Variants in NKAIN3 observed in about 807,000 individuals in gnomAD.
The protein encoded by NKAIN3 is sodium/potassium transporting ATPase interacting 3.
Under a neutral mutation model 30.2 loss-of-function variants are expected in NKAIN3, and 25 were observed. That is an observed-to-expected ratio of 0.83 (90% CI 0.60 to 1.16). NKAIN3 has a LOEUF of 1.16. NKAIN3 is among the 50% of genes most tolerant of loss of function. NKAIN3 has a pLI of 0.00. For synonymous variants in NKAIN3, 91 were observed against 89.6 expected (o/e 1.02, Z -0.09); for missense variants, 225 against 254.1 (o/e 0.89, Z 0.78).
At chr8:62,986,290 G>A (rs1824196692), downstream of NKAIN3, among the ~76,000 whole-genome samples, 1 of 152,200 alleles carries the variant, frequency 6.6e-6, no homozygotes, top group Admixed American at 6.5e-5. Context: ...AGGAGATTGA[G>A]GCCCTTTGTT....
chr8:62,688,295 C>A (rs2130435252), intron 3 of NKAIN3, among the ~76,000 whole-genome samples: 1 of 152,272 alleles, frequency 6.6e-6, no homozygotes. Flanking sequence ...TTCAGATAGT[C>A]TCTAGAAGCT....
At chr8:62,659,771 A>T (rs536827125) in intron 3 of NKAIN3, among the ~76,000 whole-genome samples, 2 of 152,258 alleles carry the variant, frequency 1.3e-5, no homozygotes, top group South Asian at 4.1e-4. Context: ...GGAGGGACCT[A>T]GTGGGAGGTA....
chr8:62,428,430 C>T (rs1338019890), intron 1 of NKAIN3, among the ~76,000 whole-genome samples: 5 of 151,852 alleles, frequency 3.3e-5, no homozygotes, highest in Non-Finnish European at 7.4e-5. Flanking sequence ...TGAGTTTTCA[C>T]AGTGACTGAC....
chr8:62,589,561 G>A (rs1360312954), intron 2 of NKAIN3, among the ~76,000 whole-genome samples, 153 bp from the exon 3 acceptor site: 2 of 151,572 alleles, frequency 1.3e-5, no homozygotes, highest in African/African-American at 4.8e-5. Flanking sequence ...GGAAAGCTTA[G>A]GGGACCACAT....
chr8:62,594,792 C>T (rs139515813), intron 3 of NKAIN3, among the ~76,000 whole-genome samples: 50 of 151,880 alleles, frequency 3.3e-4, no homozygotes, highest in African/African-American at 1.1e-3. Flanking sequence ...TTCCTTCCTT[C>T]CTTCCTCCCT....
intron 3 of NKAIN3, among the ~76,000 whole-genome samples, chr8:62,718,169 C>T (rs1814968907): frequency 6.6e-6 from 1 of 152,190 alleles, no homozygotes; most frequent in Non-Finnish European, 1.5e-5. Flanking sequence ...TTACCTCCCA[C>T]TGGGTCCCTC....
At chr8:62,452,938 G>A (rs866145238) in intron 1 of NKAIN3, among the ~76,000 whole-genome samples, 2 of 152,002 alleles carry the variant, frequency 1.3e-5, no homozygotes, top group South Asian at 2.1e-4. Flanking sequence ...TACATCACTC[G>A]GCATAATGGA....
chr8:62,958,385 C>T lies in NKAIN3; in HGVS notation c.603+4413C>T, dbSNP rs113538763. 1.8e-3 allele frequency among the ~76,000 whole-genome samples: 279 copies of T among 152,170 alleles called. 2 individuals are homozygous for T. Among genetic ancestry groups the T allele is most frequent in the African/African-American group, 6.3e-3 (261 of 41,492 alleles). On this transcript the variant is annotated intron_variant, in intron 6 of 6. Transcript: ENST00000623646. ...CGTGTTGGGTTTCAATATCTTACCA[C>T]AACTGCTATCGAGGGAGGTATAAGT... is the stretch of plus-strand genomic sequence containing the variant.
At chr8:62,590,470 G>A (rs1810618395) in intron 3 of NKAIN3, among the ~76,000 whole-genome samples, 1 of 151,770 alleles carries the variant, frequency 6.6e-6, no homozygotes, top group Non-Finnish European at 1.5e-5. Context: ...TAAGTTTCTA[G>A]TTGTGTTTCT....
At chr8:62,302,417 T>C (rs1814080407) in intron 1 of NKAIN3, among the ~76,000 whole-genome samples, 1 of 152,024 alleles carries the variant, frequency 6.6e-6, no homozygotes, top group Non-Finnish European at 1.5e-5. Flanking sequence ...TAGAGAAAAA[T>C]AGTTAAAGTT....
chr8:62,401,833 G>A (rs757264967), intron 1 of NKAIN3, among the ~76,000 whole-genome samples: 1 of 152,170 alleles, frequency 6.6e-6, no homozygotes, highest in Non-Finnish European at 1.5e-5. Flanking sequence ...GAAAGGCGGT[G>A]ACACCATCAT....
At chr8:62,539,740 C>T (rs935761462) in intron 1 of NKAIN3, among the ~76,000 whole-genome samples, 2 of 152,138 alleles carry the variant, frequency 1.3e-5, no homozygotes, top group Admixed American at 6.5e-5. Context: ...CAGGTGTGCA[C>T]AACCACACCT....
At chr8:62,407,972 G>T (rs939316798) in intron 1 of NKAIN3, among the ~76,000 whole-genome samples, 1 of 152,182 alleles carries the variant, frequency 6.6e-6, no homozygotes, top group African/African-American at 2.4e-5. Context: ...GCTGCAATGA[G>T]TTATGCTCGC....
intron 1 of NKAIN3, among the ~76,000 whole-genome samples, chr8:62,296,770 C>T (rs1813843980): frequency 6.6e-6 from 1 of 152,166 alleles, no homozygotes; most frequent in Non-Finnish European, 1.5e-5. Flanking sequence ...CTAGCCCAGA[C>T]TTTCTGCTGT....
intron 5 of NKAIN3, among the ~76,000 whole-genome samples, chr8:62,934,699 A>C (rs1251720033): frequency 6.6e-6 from 1 of 152,142 alleles, no homozygotes; most frequent in Non-Finnish European, 1.5e-5. Context: ...AATCTAAAGG[A>C]ATAACACTGA....
intron 1 of NKAIN3, among the ~76,000 whole-genome samples, chr8:62,276,953 T>C (rs1361711117): frequency 6.6e-6 from 1 of 152,140 alleles, no homozygotes; most frequent in Non-Finnish European, 1.5e-5. Context: ...ACTCTATACT[T>C]TTACCATATA....
intron 1 of NKAIN3, among the ~76,000 whole-genome samples, chr8:62,317,697 A>C (rs969542593): frequency 1.3e-5 from 2 of 152,206 alleles, no homozygotes; most frequent in African/African-American, 4.8e-5. Flanking sequence ...CATAGTTTGA[A>C]GTCAGGTAGT....
At chr8:62,720,953 C>A (rs1815069368) in intron 3 of NKAIN3, among the ~76,000 whole-genome samples, 1 of 152,226 alleles carries the variant, frequency 6.6e-6, no homozygotes, top group Non-Finnish European at 1.5e-5. Context: ...TATTATGCAT[C>A]TGCCGCATCG....
At chr8:62,471,669 T>A (rs1293015220) in intron 1 of NKAIN3, among the ~76,000 whole-genome samples, 1 of 152,084 alleles carries the variant, frequency 6.6e-6, no homozygotes, top group Non-Finnish European at 1.5e-5. Context: ...TTCAGCTCAC[T>A]GGGGGCTGGG....
Sources: allele counts gnomAD v4.1 joint callset (sites outside exome capture counted in the v4.1 genomes callset), GRCh38; gene constraint gnomAD v4.1.1; transcripts MANE v1.5; gene names NCBI Gene and HGNC (gene_info 2026-07-23, HGNC 2026-07-21).